Variants in ZNF385B observed in about 807,000 individuals in gnomAD.
ZNF385B encodes zinc finger protein 533.
In ZNF385B, 23 loss-of-function variants were observed where a neutral mutation model predicts 39.2. The observed-to-expected ratio is 0.59, with a 90% confidence interval of 0.42 to 0.83. ZNF385B has a LOEUF of 0.83. Ranked by LOEUF, ZNF385B falls within the 40% of genes least tolerant of loss-of-function variation. The pLI, the probability that ZNF385B is intolerant of heterozygous loss-of-function variation, is 0.00. For synonymous variants in ZNF385B, 205 were observed against 222.6 expected (o/e 0.92, Z 0.70); for missense variants, 552 against 598.9 (o/e 0.92, Z 0.82).
In ZNF385B at chr2:179,792,655, G is replaced by C. The variant is rs529689476; in HGVS notation, c.-154-21983C>G. Among the ~76,000 whole-genome samples the C allele has an allele frequency of 3.2e-5, 4 of 123,750 alleles. No homozygotes were observed. The East Asian group carries it at 2.6e-3, about 80-fold the overall frequency. The allele number at this position is 123,750 out of a possible 152,430, so 81.2% of individuals were successfully genotyped here. ...CTCCCAAAGTGCTGGGATTACAGGC[G>C]TGAGCCACCACGCCCGGCCCATTTC... On this transcript the variant is annotated intron_variant, in intron 1 of 9. Transcript: ENST00000410066.
chr2:179,525,359 C>T (rs1042592733), intron 4 of ZNF385B, among the ~76,000 whole-genome samples: 2 of 152,152 alleles, frequency 1.3e-5, no homozygotes, highest in African/African-American at 4.8e-5. Context: ...AAGCCCATTA[C>T]TTCCTGTGCA....
intron 3 of ZNF385B, among the ~76,000 whole-genome samples, chr2:179,753,294 T>C (rs1266126124): frequency 6.6e-6 from 1 of 152,158 alleles, no homozygotes; most frequent in Non-Finnish European, 1.5e-5. Flanking sequence ...TTGGTCTATA[T>C]ATATCTCTGT....
At position 179,842,785 on chromosome 2, in the gene ZNF385B, A is replaced by G. The variant is rs185890218; in HGVS notation, c.-155+18316T>C. Among the ~76,000 whole-genome samples the G allele has an allele frequency of 7.9e-5, 12 of 152,302 alleles. No individual in the cohort carries two copies. The East Asian group carries it at 2.3e-3, about 29-fold the overall frequency. ...TGCCGTTAGCCTCATAGTTTTGCACATGCTATTTCATCTGCTTAAAATATT... is the reference window on the plus strand; with the variant it reads ...TGCCGTTAGCCTCATAGTTTTGCACGTGCTATTTCATCTGCTTAAAATATT... On this transcript the variant is annotated intron_variant, in intron 1 of 9. Coordinates refer to ENST00000410066, the MANE Select transcript of ZNF385B (RefSeq NM_152520.6).
chr2:179,565,698 G>A (rs1684481385), intron 3 of ZNF385B, among the ~76,000 whole-genome samples: 1 of 152,162 alleles, frequency 6.6e-6, no homozygotes, highest in African/African-American at 2.4e-5. Flanking sequence ...ATGCTGTCAT[G>A]CCTCCCAGGA....
chr2:179,493,793 A>ACATATGTGTATATACATATATGTATT, intron 5 of ZNF385B, among the ~76,000 whole-genome samples: 1 of 144,978 alleles, frequency 6.9e-6, no homozygotes, highest in African/African-American at 2.5e-5. Flanking sequence ...ACATATGTAT[A>ACATATGTGTATATACATATATGTATT]CATATATGTA....
intron 3 of ZNF385B, among the ~76,000 whole-genome samples, chr2:179,665,370 T>C (rs186016114): frequency 2.6e-5 from 4 of 152,352 alleles, no homozygotes; most frequent in South Asian, 4.1e-4. Context: ...AGAGAGGTGA[T>C]GACGAGAATC....
At chr2:179,559,575 T>A (rs1210888354) in intron 3 of ZNF385B, among the ~76,000 whole-genome samples, 1 of 152,198 alleles carries the variant, frequency 6.6e-6, no homozygotes, top group Admixed American at 6.6e-5. Flanking sequence ...CTTTCTTACA[T>A]GAAATTTCTT....
chr2:179,595,614 C>T (rs562875370), intron 3 of ZNF385B, among the ~76,000 whole-genome samples: 1 of 151,022 alleles, frequency 6.6e-6, no homozygotes, highest in African/African-American at 2.4e-5. Flanking sequence ...TTTCAGCCAT[C>T]CCAGATATTC....
At chr2:179,765,930 C>A (rs553952794) in intron 3 of ZNF385B, among the ~76,000 whole-genome samples, 1 of 151,798 alleles carries the variant, frequency 6.6e-6, no homozygotes, top group Non-Finnish European at 1.5e-5. Flanking sequence ...TCTCTTTCAC[C>A]GCCCAGAGTA....
chr2:179,688,386 C>A (rs973266009), intron 3 of ZNF385B, among the ~76,000 whole-genome samples: 1 of 152,040 alleles, frequency 6.6e-6, no homozygotes, highest in Non-Finnish European at 1.5e-5. Context: ...GAAATCCCAG[C>A]TACTTGGGAG....
chr2:179,667,294 AAC>A (rs1695292278), intron 3 of ZNF385B, among the ~76,000 whole-genome samples: 1 of 152,210 alleles, frequency 6.6e-6, no homozygotes, highest in Admixed American at 6.5e-5. Flanking sequence ...ACAGTCTGGA[AAC>A]ACAGTAGTAA....
intron 3 of ZNF385B, among the ~76,000 whole-genome samples, chr2:179,648,980 C>T (rs1464240543): frequency 2.0e-5 from 3 of 151,960 alleles, no homozygotes; most frequent in African/African-American, 4.8e-5. Flanking sequence ...GGTAGAAAAG[C>T]CTGGAAAATA....
At chr2:179,666,962 C>T (rs1695239369) in intron 3 of ZNF385B, among the ~76,000 whole-genome samples, 1 of 152,092 alleles carries the variant, frequency 6.6e-6, no homozygotes, top group African/African-American at 2.4e-5. Flanking sequence ...AAGATTATCA[C>T]ATTTATCCAT....
chr2:179,701,538 G>A (rs914822920), intron 3 of ZNF385B, among the ~76,000 whole-genome samples: 7 of 152,140 alleles, frequency 4.6e-5, no homozygotes, highest in African/African-American at 1.7e-4. Context: ...AGTTCACCCC[G>A]ACATTGTCCA....
At chr2:179,521,943 T>G (rs796677661) in intron 4 of ZNF385B, among the ~76,000 whole-genome samples, 42 of 152,312 alleles carry the variant, frequency 2.8e-4, no homozygotes, top group African/African-American at 9.9e-4. Context: ...AAGATTCACT[T>G]TTTCTTCTAG....
chr2:179,575,843 GT>G (rs1434759336), intron 3 of ZNF385B, among the ~76,000 whole-genome samples: 2 of 152,020 alleles, frequency 1.3e-5, no homozygotes, highest in East Asian at 3.9e-4. Flanking sequence ...TCTTGACCCA[GT>G]GCTGGTATAA....
intron 3 of ZNF385B, among the ~76,000 whole-genome samples, chr2:179,762,486 C>T (rs1703461605): frequency 6.6e-6 from 1 of 152,124 alleles, no homozygotes; most frequent in East Asian, 1.9e-4. Context: ...GCCACCATGC[C>T]CAGGTGGTAG....
At chr2:179,751,429 T>A (rs1478034542) in intron 3 of ZNF385B, among the ~76,000 whole-genome samples, 3 of 152,172 alleles carry the variant, frequency 2.0e-5, no homozygotes, top group African/African-American at 7.2e-5. Context: ...GTTTAATTTT[T>A]AAAGTTCTTC....
At chr2:179,828,816 C>T (rs1707819325) in intron 1 of ZNF385B, among the ~76,000 whole-genome samples, 1 of 152,076 alleles carries the variant, frequency 6.6e-6, no homozygotes, top group East Asian at 1.9e-4. Flanking sequence ...TTGCCTGGGC[C>T]CTGTGCCTAG....
Sources: allele counts gnomAD v4.1 joint callset (sites outside exome capture counted in the v4.1 genomes callset), GRCh38; gene constraint gnomAD v4.1.1; transcripts MANE v1.5; gene names NCBI Gene and HGNC (gene_info 2026-07-23, HGNC 2026-07-21).